The following HOMER1 variants were observed in gnomAD, a reference collection of about 807,000 sequenced individuals.
HOMER1 encodes the protein homer scaffold protein 1.
HOMER1 carries 3 observed loss-of-function variants against 48.9 expected under a neutral mutation model. The ratio of observed to expected loss-of-function variants is 0.06; its 90% CI spans 0.03 to 0.16. HOMER1 has a LOEUF of 0.16. Ranked by LOEUF, HOMER1 falls within the 10% of genes least tolerant of loss-of-function variation. HOMER1 has a pLI of 1.00. For synonymous variants in HOMER1, 134 were observed against 146.4 expected, an observed-to-expected ratio of 0.92 and a Z score of 0.61; for missense variants, 247 against 411.4, an observed-to-expected ratio of 0.60 and a Z score of 3.46.
intron 1 of HOMER1, among the ~76,000 whole-genome samples, chr5:79,481,828 C>G (rs1751954428): frequency 6.6e-6 from 1 of 152,244 alleles, no homozygotes; most frequent in Admixed American, 6.5e-5. Flanking sequence ...AAAGGCTGCT[C>G]TGGTCCCACA....
intron 6 of HOMER1, chr5:79,397,865 T>C: frequency 3.3e-6 from 1 of 306,884 alleles, no homozygotes; most frequent in Non-Finnish European, 5.8e-6. Flanking sequence ...AAGGTTAGGA[T>C]AACTTAAATT....
intron 5 of HOMER1, among the ~76,000 whole-genome samples, chr5:79,405,567 T>A (rs1157237061): frequency 6.6e-6 from 1 of 152,212 alleles, no homozygotes; most frequent in Non-Finnish European, 1.5e-5. Flanking sequence ...CAATTTTTTC[T>A]ATATTCAGAA....
At chr5:79,475,146 G>C (rs1055787001) in intron 1 of HOMER1, among the ~76,000 whole-genome samples, 2 of 152,164 alleles carry the variant, frequency 1.3e-5, no homozygotes, top group Non-Finnish European at 2.9e-5. Flanking sequence ...CACTGTGCCT[G>C]TGCTACTGAA....
intron 1 of HOMER1, among the ~76,000 whole-genome samples, chr5:79,473,833 T>A (rs574925094): frequency 6.6e-6 from 1 of 152,142 alleles, no homozygotes; most frequent in Non-Finnish European, 1.5e-5. Flanking sequence ...TTTATTCCAA[T>A]ACTAAGTATG....
chr5:79,418,443 C>T (rs1417769102), intron 5 of HOMER1, among the ~76,000 whole-genome samples: 1 of 152,084 alleles, frequency 6.6e-6, no homozygotes, highest in Non-Finnish European at 1.5e-5. Context: ...GCAAGAGTCA[C>T]CACTTTAGCT....
At chr5:79,381,094 G>C (rs1170250321) in intron 8 of HOMER1, among the ~76,000 whole-genome samples, 1 of 152,116 alleles carries the variant, frequency 6.6e-6, no homozygotes, top group African/African-American at 2.4e-5. Context: ...CACAGCCCTG[G>C]AGCCTAAGGA....
At chr5:79,401,265 C>T (rs1011933366) in intron 6 of HOMER1, among the ~76,000 whole-genome samples, 3 of 152,124 alleles carry the variant, frequency 2.0e-5, no homozygotes, top group Non-Finnish European at 4.4e-5. Flanking sequence ...GTACAGAATA[C>T]ATACTTTTGA....
chr5:79,463,993 G>T (rs1751387616), intron 1 of HOMER1, among the ~76,000 whole-genome samples: 1 of 152,200 alleles, frequency 6.6e-6, no homozygotes, highest in Non-Finnish European at 1.5e-5. Context: ...TTTAAAAGTA[G>T]TTGCTTCTGG....
intron 1 of HOMER1, among the ~76,000 whole-genome samples, chr5:79,492,397 T>C (rs558358550): frequency 6.6e-6 from 1 of 152,162 alleles, no homozygotes; most frequent in Admixed American, 6.5e-5. Flanking sequence ...TGAAACTGTT[T>C]CCAAAATAAT....
At chr5:79,451,143 A>G in intron 2 of HOMER1, 22 bp from the exon 3 acceptor site, 1 of 1,605,108 alleles carries the variant, frequency 6.2e-7, no homozygotes, top group Non-Finnish European at 8.5e-7. Context: ...AGCAAGTATG[A>G]GCAACCAGCA....
At chr5:79,379,359 A>T (rs1409395018) in intron 8 of HOMER1, among the ~76,000 whole-genome samples, 2 of 111,748 alleles carry the variant, frequency 1.8e-5, no homozygotes, top group South Asian at 2.4e-4. Context: ...ATATTATATA[A>T]ATATTTATAT....
At chr5:79,444,642 TA>T (rs2112283976) in intron 4 of HOMER1, among the ~76,000 whole-genome samples, 1 of 152,286 alleles carries the variant, frequency 6.6e-6, no homozygotes, top group Admixed American at 6.5e-5. Flanking sequence ...CCAATTCAAC[TA>T]AAATGGAAGT....
In HOMER1 at chr5:79,390,127, A is replaced by T. The variant is rs560263362; in HGVS notation, c.876+6696T>A. The stretch of plus-strand genomic sequence containing the variant: ...AGAGTGAAACCCCACTTCTACAAAA[A>T]ATTAAAAAATTAGCCAGGCTTGGTG... On this transcript the variant is annotated intron_variant, in intron 8 of 8. Transcript: ENST00000334082. 6.6e-5 allele frequency among the ~76,000 whole-genome samples: 10 copies of T among 152,204 alleles called. No homozygotes were observed. The East Asian group carries it at 1.2e-3, about 18-fold the overall frequency.
chr5:79,454,621 A>C (rs1751119445), intron 2 of HOMER1, among the ~76,000 whole-genome samples: 1 of 152,140 alleles, frequency 6.6e-6, no homozygotes, highest in African/African-American at 2.4e-5. Context: ...AAAATGAAAA[A>C]GTCAATTATT....
At chr5:79,433,449 T>G (rs888378110) in intron 5 of HOMER1, among the ~76,000 whole-genome samples, 9 of 152,048 alleles carry the variant, frequency 5.9e-5, no homozygotes, top group Non-Finnish European at 1.3e-4. Context: ...AAGCCTGTAA[T>G]CCCAGCTACC....
intron 1 of HOMER1, among the ~76,000 whole-genome samples, chr5:79,460,172 A>G (rs1000112759): frequency 6.6e-6 from 1 of 152,150 alleles, no homozygotes; most frequent in South Asian, 2.1e-4. Flanking sequence ...TGCATTTTAG[A>G]AAGATAAATC....
rs948991635 is a variant in HOMER1, at chr5:79,375,785, T to G, written c.*224A>C. 1 of 381,554 alleles carries G rather than the reference T, an allele frequency of 2.6e-6. No individual in the cohort carries two copies. The highest frequency in any genetic ancestry group is 2.1e-5 in the African/African-American group (1 of 48,128). The allele number at this position is 381,554 out of a possible 1,614,324, so 23.6% of individuals were successfully genotyped here. A position where few individuals can be genotyped will look rare whatever the true frequency, so the allele number is the denominator to read the frequency against. On this transcript the variant is annotated 3_prime_UTR_variant, in exon 9 of 9. Coordinates refer to ENST00000334082, the MANE Select transcript of HOMER1 (RefSeq NM_004272.5). ...TGGCCAATAATATACATGGAGGTAA[T>G]TTGTAGTTCAAGTTTTTCATCTTTT...
In HOMER1 at chr5:79,375,135, A is replaced by G. The variant is rs536222898; in HGVS notation, c.*874T>C. 3.3e-5 allele frequency: 5 copies of G among 152,226 alleles called. No individual in the cohort carries two copies. Among genetic ancestry groups the G allele is most frequent in the African/African-American group, 1.2e-4 (5 of 41,570 alleles). 9.4% of individuals were successfully genotyped at this position (152,226 alleles called of 1,614,324 possible). ...AAAATATATAAATAAATGTAACTGC[A>G]TATTCTGTAAATATACTTAACATTG... is the stretch of plus-strand genomic sequence containing the variant. On this transcript the variant is annotated 3_prime_UTR_variant, in exon 9 of 9. Transcript: ENST00000334082.
chr5:79,504,258 A>T (rs918525868), intron 1 of HOMER1, among the ~76,000 whole-genome samples: 1 of 152,162 alleles, frequency 6.6e-6, no homozygotes, highest in Non-Finnish European at 1.5e-5. Context: ...AATACTCAGT[A>T]AACAAGAGTA....
Sources: gnomAD v4.1 joint callset for allele counts (sites outside exome capture counted in the v4.1 genomes callset) on GRCh38, gnomAD v4.1.1 for gene constraint, MANE v1.5 for transcripts, NCBI Gene and HGNC (gene_info 2026-07-23, HGNC 2026-07-21) for gene names.